The following LRRFIP2 variants were observed in gnomAD, a reference collection of about 807,000 sequenced individuals.
The protein encoded by LRRFIP2 is leucine-rich repeat flightless-interacting protein 2.
Under a neutral mutation model 125.9 loss-of-function variants are expected in LRRFIP2, and 109 were observed. The ratio of observed to expected loss-of-function variants is 0.87; its 90% CI spans 0.74 to 1.01. The LOEUF is 1.01. Ranked by LOEUF, LRRFIP2 falls within the 50% of genes least tolerant of loss-of-function variation. The pLI, the probability that LRRFIP2 is intolerant of heterozygous loss-of-function variation, is 0.00. For synonymous variants in LRRFIP2, 291 were observed against 293.1 expected, an observed-to-expected ratio of 0.99 and a Z score of 0.07; for missense variants, 850 against 862.3, an observed-to-expected ratio of 0.99 and a Z score of 0.18.
At chr3:37,075,186 A>T in intron 19 of LRRFIP2, 70 bp from the exon 20 acceptor site, 1 of 1,024,790 alleles carries the variant, frequency 9.8e-7, no homozygotes, top group Non-Finnish European at 1.5e-6. Context: ...ACACAATACA[A>T]CACAGAGGTT....
chr3:37,147,019 GA>G (rs879085590), intron 2 of LRRFIP2, among the ~76,000 whole-genome samples: 13 of 144,806 alleles, frequency 9.0e-5, no homozygotes, highest in Admixed American at 2.1e-4. Flanking sequence ...AAATTTACAA[GA>G]AAAAAAAAAC....
At chr3:37,102,232 G>A (rs1310822972) in intron 15 of LRRFIP2, among the ~76,000 whole-genome samples, 1 of 151,982 alleles carries the variant, frequency 6.6e-6, no homozygotes, top group African/African-American at 2.4e-5. Flanking sequence ...AAAATGTTCA[G>A]TTACAGATAC....
At chr3:37,121,463 G>GTATT in intron 6 of LRRFIP2, 29 bp downstream of exon 6, 7 of 1,604,410 alleles carry the variant, frequency 4.4e-6, no homozygotes, top group Middle Eastern at 1.7e-4. Flanking sequence ...CGTAAGCTTT[G>GTATT]TATTGTGTAG....
At chr3:37,170,161 G>A (rs962446390) in intron 1 of LRRFIP2, among the ~76,000 whole-genome samples, 2 of 152,152 alleles carry the variant, frequency 1.3e-5, no homozygotes, top group South Asian at 2.1e-4. Context: ...ATTTCCTCCA[G>A]TCACAACCTA....
chr3:37,138,882 G>T (rs2149834245), intron 2 of LRRFIP2, among the ~76,000 whole-genome samples: 1 of 152,244 alleles, frequency 6.6e-6, no homozygotes, highest in East Asian at 1.9e-4. Context: ...TTCACTTAAA[G>T]AAAGAATTTT....
chr3:37,116,910 CTTATA>C (rs2094815894), intron 6 of LRRFIP2, among the ~76,000 whole-genome samples: 1 of 151,902 alleles, frequency 6.6e-6, no homozygotes, highest in African/African-American at 2.4e-5. Flanking sequence ...GCATGCTTTT[CTTATA>C]TTATCCTGAA....
chr3:37,132,038 A>C (rs2095440337), intron 2 of LRRFIP2, among the ~76,000 whole-genome samples: 1 of 152,154 alleles, frequency 6.6e-6, no homozygotes. Context: ...TTCTCCCATG[A>C]ATTTTACACT....
At chr3:37,138,715 G>A (rs2095618974) in intron 2 of LRRFIP2, among the ~76,000 whole-genome samples, 1 of 152,066 alleles carries the variant, frequency 6.6e-6, no homozygotes, top group African/African-American at 2.4e-5. Context: ...ACACACACTG[G>A]CTATAACTTC....
At chr3:37,170,572 C>T (rs2096571667) in intron 1 of LRRFIP2, 1 of 152,184 alleles carries the variant, frequency 6.6e-6, no homozygotes, top group Non-Finnish European at 1.5e-5. Context: ...TCCATTATTC[C>T]AAGAGTCCTT....
chr3:37,107,407 TA>T (rs1365917366), intron 13 of LRRFIP2, among the ~76,000 whole-genome samples: 3 of 152,036 alleles, frequency 2.0e-5, no homozygotes, highest in East Asian at 1.9e-4. Context: ...ATAAAGAAAA[TA>T]TATTGAGGAG....
chr3:37,136,449 A>T (rs897173975), intron 2 of LRRFIP2, among the ~76,000 whole-genome samples: 8 of 152,296 alleles, frequency 5.3e-5, no homozygotes, highest in African/African-American at 1.9e-4. Flanking sequence ...ATTATATCTC[A>T]ATTTAAATTT....
In LRRFIP2 at chr3:37,130,512, G is replaced by C. The variant is rs79721566; in HGVS notation, c.91-1363C>G. 2.6e-3 allele frequency among the ~76,000 whole-genome samples: 393 copies of C among 152,254 alleles called. 5 individuals are homozygous for C. The highest frequency in any genetic ancestry group is 8.1e-3 in the East Asian group (42 of 5,184). ...GGTCCCCACCTTACTTCCAAGTCCAGTAGTTCCCCCCTTATCTGTTGTTTC... is the reference window on the plus strand; with the variant it reads ...GGTCCCCACCTTACTTCCAAGTCCACTAGTTCCCCCCTTATCTGTTGTTTC... On this transcript the variant is annotated intron_variant, in intron 2 of 27. Transcript: ENST00000336686.
intron 1 of LRRFIP2, among the ~76,000 whole-genome samples, chr3:37,164,208 A>C (rs1207607098): frequency 6.6e-6 from 1 of 152,216 alleles, no homozygotes; most frequent in Non-Finnish European, 1.5e-5. Flanking sequence ...ACAAGAAAGG[A>C]AACAAGTATG....
chr3:37,065,688 G>C lies in LRRFIP2; in HGVS notation c.1699+122C>G. ...GTGCCAATGTGCCCAGATTCTTCTA[G>C]TTAAGGATCTACTTGAGTCTCAGCC... On this transcript the variant is annotated intron_variant, in intron 23 of 27. Coordinates refer to ENST00000336686, the MANE Select transcript of LRRFIP2 (RefSeq NM_006309.4). 16 of 1,211,298 alleles carry C rather than the reference G, an allele frequency of 1.3e-5. No individual in the cohort carries two copies. In the South Asian group the frequency reaches 1.8e-4, roughly 14 times the overall value. The allele number at this position is 1,211,298 out of a possible 1,614,324, so 75.0% of individuals were successfully genotyped here.
intron 18 of LRRFIP2, among the ~76,000 whole-genome samples, chr3:37,085,076 C>T (rs2092943562): frequency 1.3e-5 from 2 of 152,182 alleles, no homozygotes; most frequent in South Asian, 2.1e-4. Context: ...TGGACTCCCA[C>T]CTCACACCAT....
intron 2 of LRRFIP2, among the ~76,000 whole-genome samples, chr3:37,132,293 G>A (rs559319599): frequency 6.7e-6 from 1 of 149,244 alleles, no homozygotes; most frequent in East Asian, 1.9e-4. Flanking sequence ...AATTGTACCT[G>A]AAGCCTCCTT....
At chr3:37,121,410 C>A in intron 6 of LRRFIP2, 82 bp downstream of exon 6, 1 of 1,286,156 alleles carries the variant, frequency 7.8e-7, no homozygotes, top group Non-Finnish European at 1.1e-6. Flanking sequence ...AATACAGGAA[C>A]ATTGTCAGAT....
intron 24 of LRRFIP2, among the ~76,000 whole-genome samples, chr3:37,059,169 C>T (rs1341836834): frequency 6.6e-6 from 1 of 152,084 alleles, no homozygotes; most frequent in Non-Finnish European, 1.5e-5. Context: ...TTTGTGTCTG[C>T]TTATGGAACA....
intron 21 of LRRFIP2, among the ~76,000 whole-genome samples, chr3:37,071,491 G>A (rs1206514280): frequency 2.0e-5 from 2 of 98,030 alleles, no homozygotes; most frequent in Non-Finnish European, 4.9e-5. Flanking sequence ...AGGATTCCAG[G>A]CATGAGCCTA....
Sources: allele counts gnomAD v4.1 joint callset (sites outside exome capture counted in the v4.1 genomes callset), GRCh38; gene constraint gnomAD v4.1.1; transcripts MANE v1.5; gene names NCBI Gene and HGNC (gene_info 2026-07-23, HGNC 2026-07-21).